Variants in SRCAP observed in about 807,000 individuals in gnomAD.
SRCAP encodes chromatin remodeling protein SRCAP.
A neutral mutation model predicts 263.1 loss-of-function variants in SRCAP; 46 were observed. That is an observed-to-expected ratio of 0.17 (90% CI 0.14 to 0.22). The LOEUF is 0.22. Ranked by LOEUF, SRCAP falls within the 10% of genes least tolerant of loss-of-function variation. SRCAP has a pLI of 1.00. For missense variants in SRCAP, 3,695 were observed against 4,181.9 expected, an observed-to-expected ratio of 0.88 and a Z score of 3.21; for synonymous variants, 1,813 against 1,662.1, an observed-to-expected ratio of 1.09 and a Z score of -2.21.
intron 24 of SRCAP, 24 bp from the exon 25 acceptor site, chr16:30,723,560 C>A: frequency 6.3e-7 from 1 of 1,593,290 alleles, no homozygotes; most frequent in Non-Finnish European, 8.6e-7. Flanking sequence ...AATTCTGGGG[C>A]TAACTCATCC....
rs754383598 is a variant in SRCAP at position 30,724,224 on chromosome 16, T to C, written c.4800T>C (p.Pro1600=). ...CTCCACAGACAGCAATTCTGGCTCC[T>C]TCTCCAGCTCCTCCTCTGGCTCCTC... ...MAAPQTAILA[P]SPAPPLAPLP... The change falls in exon 25 of 34, where the codon CCT becomes CCC. Residue 1600 remains proline (P), a synonymous_variant. Coordinates refer to ENST00000262518, the MANE Select transcript of SRCAP (RefSeq NM_006662.3). The C allele has an allele frequency of 1.2e-6, 2 of 1,613,914 alleles. No homozygotes were observed. Among genetic ancestry groups the C allele is most frequent in the Non-Finnish European group, 1.7e-6 (2 of 1,179,992 alleles).
chr16:30,721,278 C>T lies in SRCAP; in HGVS notation c.3343C>T (p.Arg1115Cys), dbSNP rs781603720. 10 of 1,614,002 alleles carry T rather than the reference C, an allele frequency of 6.2e-6. No individual in the cohort carries two copies. Among genetic ancestry groups the T allele is most frequent in the South Asian group, 2.2e-5 (2 of 91,090 alleles). ...AAAGCCAACACCACCTGCCCCAGTT[C>T]GCCTGAGCCCAGCCCCACCTCCAGG... is the stretch of plus-strand genomic sequence containing the variant. ...SLKPTPPAPV[R>C]LSPAPPPGSS... is the part of the protein sequence containing the mutation. The change falls in exon 21 of 34, where the codon CGC becomes TGC. Residue 1115 changes from arginine to cysteine, a missense_variant. Arg to Cys is a radical substitution (Grantham distance 180, BLOSUM62 -3). Around this residue, in one of 12 missense-constraint regions of SRCAP, gnomAD observed 1,347 missense variants for 1,304.4 expected, o/e 1.03. Coordinates refer to ENST00000262518, the MANE Select transcript of SRCAP (RefSeq NM_006662.3).
chr16:30,726,573 T>C (rs1380070081), intron 25 of SRCAP, among the ~76,000 whole-genome samples: 2 of 151,394 alleles, frequency 1.3e-5, no homozygotes, highest in Non-Finnish European at 2.9e-5. Context: ...CAGGCTGGAG[T>C]GCTTTGGCAC....
At chr16:30,731,852 A>C (rs1026083932) in intron 27 of SRCAP, among the ~76,000 whole-genome samples, 3 of 152,044 alleles carry the variant, frequency 2.0e-5, no homozygotes, top group African/African-American at 7.2e-5. Flanking sequence ...CTTGTCTCAA[A>C]AATAAAATAA....
chr16:30,727,059 G>C (rs369857426), intron 25 of SRCAP, among the ~76,000 whole-genome samples: 1 of 152,012 alleles, frequency 6.6e-6, no homozygotes, highest in African/African-American at 2.4e-5. Flanking sequence ...CGCTGGTTTC[G>C]AATTCCACAC....
chr16:30,736,685 T>G, intron 33 of SRCAP, 61 bp downstream of exon 33: 2 of 1,528,072 alleles, frequency 1.3e-6, no homozygotes, highest in Non-Finnish European at 1.8e-6. Flanking sequence ...TTCTTTTCTC[T>G]TTTTTTTGAG....
intron 9 of SRCAP, 40 bp from the exon 10 acceptor site, chr16:30,710,959 G>T (rs746158716): frequency 1.9e-6 from 3 of 1,601,470 alleles, no homozygotes; most frequent in Admixed American, 3.3e-5. Context: ...TGTGCCTCTA[G>T]CCTCTATCCC....
chr16:30,700,608 T>C lies in SRCAP; in HGVS notation c.-209-8T>C. The C allele has an allele frequency of 2.6e-6, 1 of 382,002 alleles. No homozygotes were observed. 23.7% of individuals were successfully genotyped at this position (382,002 alleles called of 1,614,324 possible). ...CTGTCTTTTTTTTTTTTTTTAACCCTACTTTAGGTGCTCCAGAGGCTGGTG... is the reference window on the plus strand; with the variant it reads ...CTGTCTTTTTTTTTTTTTTTAACCCCACTTTAGGTGCTCCAGAGGCTGGTG... On this transcript the variant is annotated splice_region_variant and splice_polypyrimidine_tract_variant and intron_variant, in intron 2 of 33. Transcript: ENST00000262518.
At chr16:30,732,079 A>C (rs555499237) in intron 27 of SRCAP, among the ~76,000 whole-genome samples, 3 of 151,930 alleles carry the variant, frequency 2.0e-5, no homozygotes, top group Admixed American at 2.0e-4. Context: ...CGGGAGGCAG[A>C]GGTTGCAGTG....
At chr16:30,715,195 T>C (rs2052934693) in intron 16 of SRCAP, among the ~76,000 whole-genome samples, 1 of 152,264 alleles carries the variant, frequency 6.6e-6, no homozygotes, top group African/African-American at 2.4e-5. Flanking sequence ...TGTTCTAAGC[T>C]AGACATCTCT....
chr16:30,723,868 C>T lies in SRCAP; in HGVS notation c.4444C>T (p.Pro1482Ser), dbSNP rs759177231. 21 of 1,614,016 alleles carry T rather than the reference C, an allele frequency of 1.3e-5. No homozygotes were observed. The highest frequency in any genetic ancestry group is 1.5e-5 in the Non-Finnish European group (18 of 1,180,040). ...LLTSVTPPLA[P>S]VVPAAPGPPS... ...GACCAGTGTGACTCCACCATTGGCA[C>T]CTGTTGTCCCAGCGGCTCCTGGACC... Residue 1482 changes from proline to serine, a missense_variant, in exon 25 of 34, where the codon CCT becomes TCT. Coordinates refer to ENST00000262518, the MANE Select transcript of SRCAP (RefSeq NM_006662.3).
chr16:30,716,172 G>A lies in SRCAP; in HGVS notation c.2600G>A (p.Cys867Tyr), dbSNP rs989202179. 1.2e-6 allele frequency: 2 copies of A among 1,614,228 alleles called. No individual in the cohort carries two copies. Among genetic ancestry groups the A allele is most frequent in the Non-Finnish European group, 1.7e-6 (2 of 1,180,042 alleles). Residue 867 changes from cysteine (C) to tyrosine (Y), a missense_variant, in exon 17 of 34, where the codon TGT (cysteine) becomes TAT (tyrosine). Transcript: ENST00000262518. ...TGCAGGCTCTCCAAGCGTCAACGCT[G>A]TCTCTATGATGACTTCATGGCACAG... ...IRCRLSKRQRCLYDDFMAQTT... is the reference protein window; with the variant it reads ...IRCRLSKRQRYLYDDFMAQTT...
chr16:30,723,808 C>T lies in SRCAP; in HGVS notation c.4384C>T (p.Pro1462Ser), dbSNP rs377232050. 1 of 1,614,138 alleles carries T rather than the reference C, an allele frequency of 6.2e-7. No homozygotes were observed. Among genetic ancestry groups the T allele is most frequent in the Non-Finnish European group, 8.5e-7 (1 of 1,180,016 alleles). Residue 1462 changes from proline to serine, a missense_variant, in exon 25 of 34, where the codon CCC becomes TCC. Pro to Ser is a moderately conservative substitution (Grantham distance 74). Around this residue, in one of 12 missense-constraint regions of SRCAP, gnomAD observed 1,347 missense variants for 1,304.4 expected, o/e 1.03. Coordinates refer to ENST00000262518, the MANE Select transcript of SRCAP (RefSeq NM_006662.3). ...TCCACTCACCATCCCCATCTCAGCC[C>T]CCTTGACTGTTTCTGCTTCGGGCCC... ...SAPLTIPISA[P>S]LTVSASGPAL... is the part of the protein sequence containing the mutation.
At chr16:30,716,571 C>A in intron 18 of SRCAP, 92 bp downstream of exon 18, 1 of 1,154,758 alleles carries the variant, frequency 8.7e-7, no homozygotes, top group Non-Finnish European at 1.2e-6. Flanking sequence ...CTGACTTTTG[C>A]ATCCTCATGA....
intron 6 of SRCAP, among the ~76,000 whole-genome samples, chr16:30,709,130 T>C (rs1052535783): frequency 7.2e-5 from 11 of 152,128 alleles, no homozygotes; most frequent in Non-Finnish European, 1.3e-4. Flanking sequence ...ACCTACCTAT[T>C]TTTTGAGACC....
chr16:30,740,718 T>A lies in SRCAP; in HGVS notation c.*985T>A, dbSNP rs2053215870. The A allele has an allele frequency of 6.6e-6, 1 of 152,272 alleles. No individual in the cohort carries two copies. The highest frequency in any genetic ancestry group is 6.5e-5 in the Admixed American group (1 of 15,280). 9.4% of individuals were successfully genotyped at this position (152,272 alleles called of 1,614,324 possible). A position where few individuals can be genotyped will look rare whatever the true frequency, so the allele number is the denominator to read the frequency against. On this transcript the variant is annotated 3_prime_UTR_variant, in exon 34 of 34. Transcript: ENST00000262518. ...AAGGCCTATAGCCAGGTAAGAGCCC[T>A]GTTCATTTTTACATTCTCTGTTCAC...
chr16:30,715,974 C>A, intron 16 of SRCAP, 92 bp from the exon 17 acceptor site: 1 of 1,516,856 alleles, frequency 6.6e-7, no homozygotes, highest in Non-Finnish European at 9.0e-7. Context: ...ATATGGTGTG[C>A]CGTATGACTC....
At position 30,705,246 on chromosome 16, in the gene SRCAP, C is replaced by T. The variant is rs371044427; in HGVS notation, c.306+931C>T. On this transcript the variant is annotated intron_variant, in intron 4 of 33. Coordinates refer to ENST00000262518, the MANE Select transcript of SRCAP (RefSeq NM_006662.3). Reference sequence around the variant, plus strand: ...AACTGGGAACCGGAGGTTGCAGTGACCTGAGATGATGCCACTGCACACCAG... The same window carrying T: ...AACTGGGAACCGGAGGTTGCAGTGATCTGAGATGATGCCACTGCACACCAG... Among the ~76,000 whole-genome samples, 69 of 152,010 alleles carry T rather than the reference C, an allele frequency of 4.5e-4. 1 individual carries two copies. Among genetic ancestry groups the T allele is most frequent in the Non-Finnish European group, 6.9e-4 (47 of 67,950 alleles).
Position 30,707,385 on chromosome 16 carries a change from G to A in SRCAP, c.492+17G>A. ...GCCCGGAAGGTAGGTCTTCCGCTGG[G>A]ACTTCCTTCCTTTTCCTTTTCAGGT... On this transcript the variant is annotated intron_variant, in intron 5 of 33. Transcript: ENST00000262518. The A allele has an allele frequency of 1.2e-6, 2 of 1,612,170 alleles. No individual in the cohort carries two copies. The highest frequency in any genetic ancestry group is 2.2e-5 in the East Asian group (1 of 44,872).
Sources: gnomAD v4.1 joint callset for allele counts (sites outside exome capture counted in the v4.1 genomes callset) on GRCh38, gnomAD v4.1.1 for gene constraint, gnomAD v4.1.1 regional missense constraint, MANE v1.5 for transcripts, NCBI Gene and HGNC (gene_info 2026-07-23, HGNC 2026-07-21) for gene names.